NOS1: variants seen among roughly 807,000 people sequenced by gnomAD.
NOS1 encodes the protein nitric oxide synthase 1, also known as NOS type I.
NOS1 carries 51 observed loss-of-function variants against 164.5 expected under a neutral mutation model. The observed-to-expected ratio is 0.31, with a 90% confidence interval of 0.25 to 0.39. NOS1 has a LOEUF of 0.39. NOS1 is among the 10% of genes least tolerant of loss of function. The pLI is 1.00. For missense variants in NOS1, 1,362 were observed against 1,885.6 expected (o/e 0.72, Z 5.14); for synonymous variants, 719 against 745.8 (o/e 0.96, Z 0.59).
chr12:117,360,452 C>G (rs562810866), intron 1 of NOS1, among the ~76,000 whole-genome samples: 1 of 152,360 alleles, frequency 6.6e-6, no homozygotes, highest in East Asian at 1.9e-4. Flanking sequence ...CGTGGCGGAA[C>G]GCGCCCCTCG....
chr12:117,336,362 C>G (rs1305500855), intron 1 of NOS1, among the ~76,000 whole-genome samples: 1 of 152,182 alleles, frequency 6.6e-6, no homozygotes, highest in Non-Finnish European at 1.5e-5. Flanking sequence ...AACGAGAAAA[C>G]AGAGGCCTGG....
rs563657146 is a variant in NOS1 at position 117,271,819 on chromosome 12, A to G, written c.1839+566T>C. On this transcript the variant is annotated intron_variant, in intron 10 of 28. Transcript: ENST00000317775. ...GCACCGCTCCAGCACTTTTTAGTAGATACGGATGACTCAGCCCGGGAGGGA... is the reference window on the plus strand; with the variant it reads ...GCACCGCTCCAGCACTTTTTAGTAGGTACGGATGACTCAGCCCGGGAGGGA... Among the ~76,000 whole-genome samples, 3 of 152,322 alleles carry G rather than the reference A, an allele frequency of 2.0e-5. No homozygotes were observed. In the East Asian group the frequency reaches 5.8e-4, roughly 29 times the overall value.
chr12:117,236,868 C>G lies in NOS1; in HGVS notation c.3042-2110G>C, dbSNP rs1319201519. Among the ~76,000 whole-genome samples, 4 of 152,196 alleles carry G rather than the reference C, an allele frequency of 2.6e-5. No individual in the cohort carries two copies. In the East Asian group the frequency reaches 5.8e-4, roughly 22 times the overall value. On this transcript the variant is annotated intron_variant, in intron 20 of 28. Transcript: ENST00000317775. ...CCTCTTGAACGAGGCAGAGGGTGGCCGTGCAGACAAGGAGCAGGCATGGGA... is the reference window on the plus strand; with the variant it reads ...CCTCTTGAACGAGGCAGAGGGTGGCGGTGCAGACAAGGAGCAGGCATGGGA...
chr12:117,259,356 C>A (rs537083466), intron 14 of NOS1, among the ~76,000 whole-genome samples: 6 of 152,198 alleles, frequency 3.9e-5, no homozygotes, highest in Non-Finnish European at 7.4e-5. Context: ...TAGCGTGGGA[C>A]CTTGCTATGG....
At chr12:117,300,002 T>C (rs770880869) in intron 3 of NOS1, among the ~76,000 whole-genome samples, 13 of 152,146 alleles carry the variant, frequency 8.5e-5, no homozygotes, top group Non-Finnish European at 1.6e-4. Context: ...TCATACTGTG[T>C]TTGTTTGTTG....
intron 3 of NOS1, among the ~76,000 whole-genome samples, chr12:117,298,214 C>T (rs1181902950): frequency 6.6e-6 from 1 of 151,782 alleles, no homozygotes; most frequent in Middle Eastern, 3.2e-3. Flanking sequence ...GATCATCAGG[C>T]ATTAGATTCT....
rs1351531249 is a variant in NOS1, at chr12:117,253,729, C to T, written c.2557G>A (p.Val853Ile). 2.5e-6 allele frequency: 4 copies of T among 1,613,894 alleles called. No homozygotes were observed. The highest frequency in any genetic ancestry group is 2.2e-5 in the South Asian group (2 of 91,070). Residue 853 changes from valine (V) to isoleucine (I), a missense_variant, in exon 17 of 29, where the codon GTC becomes ATC. Physicochemically the swap from Val to Ile is conservative, Grantham distance 29. Around this residue, in one of 4 missense-constraint regions of NOS1, gnomAD observed 737 missense variants for 1,030.3 expected, o/e 0.72. Transcript: ENST00000317775. ...TTTTGGGAGTCAGAGTAGGAGGAGA[C>T]GCTGTTGAATCGGACCTTGTAGCTC... Reference protein sequence around the residue: ...RKSYKVRFNSVSSYSDSQKSS... With the variant: ...RKSYKVRFNSISSYSDSQKSS...
rs1390119966 is a variant in NOS1 at position 117,356,724 on chromosome 12, T to C, written c.-421+4788A>G. On this transcript the variant is annotated intron_variant, in intron 1 of 28. Coordinates refer to ENST00000317775, the MANE Select transcript of NOS1 (RefSeq NM_000620.5). The surrounding 1 kb of genome is among the most constrained non-coding windows in gnomAD (Gnocchi z 4.2). ...ACTGTGCCAAGACCCATGTCCACTA[T>C]ACCCTGTTAACCATACTTGAATTAG... is the stretch of plus-strand genomic sequence containing the variant. Among the ~76,000 whole-genome samples the C allele has an allele frequency of 6.6e-6, 1 of 152,254 alleles. No homozygotes were observed. Among genetic ancestry groups the C allele is most frequent in the Non-Finnish European group, 1.5e-5 (1 of 68,042 alleles).
chr12:117,332,281 C>T (rs531154628), intron 1 of NOS1, among the ~76,000 whole-genome samples: 1 of 152,294 alleles, frequency 6.6e-6, no homozygotes, highest in Admixed American at 6.5e-5. Context: ...TTTGTTATTT[C>T]TCCTTTGATC....
chr12:117,248,658 C>T (rs919744136), intron 17 of NOS1, among the ~76,000 whole-genome samples: 1 of 152,060 alleles, frequency 6.6e-6, no homozygotes. Flanking sequence ...AATAAACATA[C>T]GTGTGCATAT....
intron 1 of NOS1, among the ~76,000 whole-genome samples, chr12:117,339,042 C>T (rs1875970939): frequency 6.6e-6 from 1 of 152,182 alleles, no homozygotes; most frequent in African/African-American, 2.4e-5. Context: ...TGCAAAACCA[C>T]CAGCTTCTTT....
Position 117,234,551 on chromosome 12 carries a change from C to G in NOS1, c.3235+14G>C. 1 of 1,606,894 alleles carries G rather than the reference C, an allele frequency of 6.2e-7. No individual in the cohort carries two copies. Among genetic ancestry groups the G allele is most frequent in the Non-Finnish European group, 8.5e-7 (1 of 1,174,670 alleles). ...CAGCTCCCTAGAGCAGGGAAGGGTC[C>G]CCGGGAATGTTACCTAAAGCCGTGT... On this transcript the variant is annotated intron_variant, in intron 21 of 28. Coordinates refer to ENST00000317775, the MANE Select transcript of NOS1 (RefSeq NM_000620.5). The surrounding 1 kb of genome is among the most constrained non-coding windows in gnomAD (Gnocchi z 4.3).
chr12:117,311,325 C>T, intron 3 of NOS1, 141 bp downstream of exon 3: 1 of 981,380 alleles, frequency 1.0e-6, no homozygotes, highest in South Asian at 2.3e-5. Flanking sequence ...TGACCTCGGC[C>T]TCCCAAGCTC....
chr12:117,252,487 GA>G (rs1338041380), intron 17 of NOS1, among the ~76,000 whole-genome samples: 2 of 152,144 alleles, frequency 1.3e-5, no homozygotes, highest in African/African-American at 2.4e-5. Flanking sequence ...GTGTTGAGCT[GA>G]AAAAAGTACT....
chr12:117,249,814 CTGGTACACAG>C, intron 17 of NOS1, among the ~76,000 whole-genome samples: 1 of 152,230 alleles, frequency 6.6e-6, no homozygotes, highest in South Asian at 2.1e-4. Flanking sequence ...TCCTGTAGGG[CTGGTACACAG>C]TCCTTCAGAC....
rs753236188 is a variant in NOS1 at position 117,220,095 on chromosome 12, C to T, written c.4150G>A (p.Val1384Ile). 39 of 1,610,098 alleles carry T rather than the reference C, an allele frequency of 2.4e-5. No individual in the cohort carries two copies. Among genetic ancestry groups the T allele is most frequent in the Admixed American group, 1.0e-4 (6 of 59,608 alleles). ...CTCACCCTCATCCGGCTGATGAATA[C>T]GCCGGCGTCCTCTGCCGAGAGCTTC... Reference protein sequence around the residue: ...QGKLSAEDAGVFISRMRDDNR... With the variant: ...QGKLSAEDAGIFISRMRDDNR... The change falls in exon 27 of 29, where the codon GTA (valine) becomes ATA (isoleucine). Residue 1384 changes from valine to isoleucine, a missense_variant. Physicochemically the swap from Val to Ile is conservative, Grantham distance 29 (BLOSUM62 3). This residue lies in a region of NOS1 where 737 missense variants were observed against 1,030.3 expected (regional missense o/e 0.72). Transcript: ENST00000317775.
chr12:117,223,038 C>T (rs1868360340), intron 25 of NOS1, among the ~76,000 whole-genome samples, 175 bp from the exon 26 acceptor site: 2 of 152,162 alleles, frequency 1.3e-5, no homozygotes, highest in African/African-American at 2.4e-5. Context: ...TGCTCACATG[C>T]ACGCACATGC....
intron 17 of NOS1, among the ~76,000 whole-genome samples, chr12:117,249,408 G>A (rs1430822849): frequency 6.6e-6 from 1 of 152,168 alleles, no homozygotes; most frequent in Non-Finnish European, 1.5e-5. Context: ...TTTCTTGCAT[G>A]CTTCTAAGCT....
At chr12:117,235,092 AT>A (rs1483652050) in intron 20 of NOS1, among the ~76,000 whole-genome samples, 1 of 151,784 alleles carries the variant, frequency 6.6e-6, no homozygotes, top group Non-Finnish European at 1.5e-5. Flanking sequence ...TAATTTTGGA[AT>A]TTTTTGTACA....
Sources: allele counts gnomAD v4.1 joint callset (sites outside exome capture counted in the v4.1 genomes callset), GRCh38; gene constraint gnomAD v4.1.1; regional missense constraint gnomAD v4.1.1; non-coding constraint Gnocchi (gnomAD v3.1); transcripts MANE v1.5; gene names NCBI Gene and HGNC (gene_info 2026-07-23, HGNC 2026-07-21).